PGPEP1L: variants seen among roughly 807,000 people sequenced by gnomAD.
PGPEP1L encodes pyroglutamyl-peptidase I like.
In PGPEP1L, 7 loss-of-function variants were observed where a neutral mutation model predicts 6.0. That is an observed-to-expected ratio of 1.17 (90% CI 0.66 to 2.19). PGPEP1L has a LOEUF of 2.19. PGPEP1L is among the 30% of genes most tolerant of loss of function. The pLI is 0.00. For synonymous variants in PGPEP1L, 103 were observed against 83.9 expected (o/e 1.23, Z -1.24); for missense variants, 209 against 192.5 (o/e 1.09, Z -0.51).
At chr15:98,981,188 G>A (rs78607804) in intron 2 of PGPEP1L, among the ~76,000 whole-genome samples, 8 of 151,990 alleles carry the variant, frequency 5.3e-5, no homozygotes, top group African/African-American at 1.4e-4. Flanking sequence ...AACCATCAAC[G>A]TCATCAAAAA....
intron 2 of PGPEP1L, among the ~76,000 whole-genome samples, chr15:99,002,926 C>G (rs2017994592): frequency 6.6e-6 from 1 of 152,208 alleles, no homozygotes; most frequent in Admixed American, 6.5e-5. Flanking sequence ...GAGAACCCAG[C>G]TCCCTGGACC....
chr15:98,968,520 G>C lies in PGPEP1L; in HGVS notation c.387C>G (p.Phe129Leu). 1 of 1,613,572 alleles carries C rather than the reference G, an allele frequency of 6.2e-7. No individual in the cohort carries two copies. ...GAAGGACCATGGTTGAGTTTTCTTC[G>C]AACTGGGCTCTGTGCTTGGGCTTTC... ...EVGKPKHRAQ[F>L]EENSTMVLPA... The change falls in exon 5 of 5, where the codon TTC (phenylalanine) becomes TTG (leucine). Residue 129 changes from phenylalanine to leucine, a missense_variant. By Grantham distance (22) the Phe-to-Leu change is conservative. Coordinates refer to ENST00000535714, the MANE Select transcript of PGPEP1L (RefSeq NM_001167902.2).
At chr15:98,979,610 C>A (rs966571196) in intron 2 of PGPEP1L, among the ~76,000 whole-genome samples, 3 of 145,024 alleles carry the variant, frequency 2.1e-5, no homozygotes, top group African/African-American at 7.7e-5. Context: ...TTTATAGCAA[C>A]CTGGATGGGA....
chr15:98,993,946 C>T (rs568208046), intron 2 of PGPEP1L, among the ~76,000 whole-genome samples: 5 of 152,110 alleles, frequency 3.3e-5, no homozygotes, highest in Admixed American at 6.5e-5. Context: ...TATCTGGATG[C>T]CTGTCCTGTA....
At chr15:98,973,514 C>A (rs979342993) in intron 2 of PGPEP1L, among the ~76,000 whole-genome samples, 1 of 152,184 alleles carries the variant, frequency 6.6e-6, no homozygotes, top group Non-Finnish European at 1.5e-5. Context: ...AGTATCTTTT[C>A]TGACCACAAT....
intron 2 of PGPEP1L, among the ~76,000 whole-genome samples, chr15:99,000,149 G>T (rs993858219): frequency 2.0e-4 from 30 of 152,352 alleles, no homozygotes; most frequent in African/African-American, 7.0e-4. Context: ...GGGAGTGGCC[G>T]GCCAGCCCCG....
intron 2 of PGPEP1L, among the ~76,000 whole-genome samples, chr15:98,988,915 CAG>C (rs1200375650): frequency 1.3e-5 from 2 of 152,172 alleles, no homozygotes; most frequent in African/African-American, 4.8e-5. Flanking sequence ...AACTGACAAA[CAG>C]AAAGAAATAC....
chr15:98,991,942 G>T (rs1384190030), intron 2 of PGPEP1L, among the ~76,000 whole-genome samples: 1 of 152,248 alleles, frequency 6.6e-6, no homozygotes, highest in East Asian at 1.9e-4. Context: ...GGTACTGACG[G>T]AATGTATCTC....
At chr15:99,004,655 C>T (rs373390530) in intron 2 of PGPEP1L, among the ~76,000 whole-genome samples, 2 of 152,116 alleles carry the variant, frequency 1.3e-5, no homozygotes, top group African/African-American at 2.4e-5. Context: ...GAGGCGGAGG[C>T]TGCAGTGAGC....
At chr15:99,005,169 ACCAGTGGCACCTTCGTGCCCG>A (rs2018032587) in intron 2 of PGPEP1L, among the ~76,000 whole-genome samples, 1 of 152,104 alleles carries the variant, frequency 6.6e-6, no homozygotes, top group African/African-American at 2.4e-5. Flanking sequence ...AGCCTAAGCC[ACCAGTGGCACCTTCGTGCCCG>A]CCACTCGAGA....
At position 99,004,727 on chromosome 15, in the gene PGPEP1L, T is replaced by A. The variant is rs2018024439; in HGVS notation, c.-142+702A>T. 3.3e-5 allele frequency among the ~76,000 whole-genome samples: 5 copies of A among 151,800 alleles called. No individual in the cohort carries two copies. The South Asian group carries it at 1.0e-3, about 32-fold the overall frequency. On this transcript the variant is annotated intron_variant, in intron 2 of 4. Transcript: ENST00000535714. ...ACAAGACTCTGTCTCAAAAAAAAAT[T>A]AATAAAAATAAAGACCTTTGTGAAG...
chr15:98,977,003 CAAAAAA>C (rs11385185), intron 2 of PGPEP1L, among the ~76,000 whole-genome samples: 3 of 128,960 alleles, frequency 2.3e-5, no homozygotes, highest in Non-Finnish European at 4.9e-5. Flanking sequence ...AGTAAAATGG[CAAAAAA>C]AAAAAAAAAA....
At chr15:99,004,797 A>C (rs140557016) in intron 2 of PGPEP1L, among the ~76,000 whole-genome samples, 3,083 of 152,050 alleles carry the variant, frequency 0.02, 100 homozygotes, top group African/African-American at 0.067. Flanking sequence ...TGGTGAGGCA[A>C]GTGTGGGTGG....
chr15:98,995,907 G>T (rs903032975), intron 2 of PGPEP1L, among the ~76,000 whole-genome samples: 5 of 152,126 alleles, frequency 3.3e-5, no homozygotes, highest in African/African-American at 1.2e-4. Flanking sequence ...GGACAATCAT[G>T]TAAGTAGAAT....
chr15:98,968,437 G>A lies in PGPEP1L; in HGVS notation c.*41C>T, dbSNP rs745834574. 3.2e-6 allele frequency: 5 copies of A among 1,576,398 alleles called. No individual in the cohort carries two copies. Among genetic ancestry groups the A allele is most frequent in the Non-Finnish European group, 4.3e-6 (5 of 1,155,394 alleles). ...ATGCACAGTTGAGTGCTACATACAG[G>A]ATTGAAACATTCAATTTTCTCTAGA... On this transcript the variant is annotated 3_prime_UTR_variant, in exon 5 of 5. Coordinates refer to ENST00000535714, the MANE Select transcript of PGPEP1L (RefSeq NM_001167902.2).
At chr15:98,977,085 A>G (rs2151756376) in intron 2 of PGPEP1L, among the ~76,000 whole-genome samples, 1 of 151,042 alleles carries the variant, frequency 6.6e-6, no homozygotes, top group East Asian at 1.9e-4. Context: ...AGGCCAGGCC[A>G]TGGTAAATAT....
intron 2 of PGPEP1L, among the ~76,000 whole-genome samples, chr15:98,988,233 T>C (rs113968753): frequency 0.012 from 1,832 of 152,130 alleles, 23 homozygotes; most frequent in Non-Finnish European, 0.016. Flanking sequence ...CAAGCTAAGA[T>C]CCACTGGCTT....
rs779334423 is a variant in PGPEP1L, at chr15:98,969,508, C to A, written c.126G>T (p.Leu42=). 7.4e-6 allele frequency: 12 copies of A among 1,613,948 alleles called. No homozygotes were observed. In the African/African-American group the frequency reaches 1.5e-4, roughly 20 times the overall value. Residue 42 remains leucine, a synonymous_variant, in exon 4 of 5, where the codon CTG becomes CTT. Transcript: ENST00000535714. ...GVCLPGSPDV[L]ESGVCMKAVC... ...CTGCCTTCATGCAGACCCCTGACTC[C>A]AGCACGTCTGGGCTGCCAGGTAGGC...
chr15:98,993,901 C>T (rs1339199791), intron 2 of PGPEP1L, among the ~76,000 whole-genome samples: 1 of 152,046 alleles, frequency 6.6e-6, no homozygotes, highest in Non-Finnish European at 1.5e-5. Context: ...TGAAATTTTG[C>T]CATACATATA....
Sources: gnomAD v4.1 joint callset for allele counts (sites outside exome capture counted in the v4.1 genomes callset) on GRCh38, gnomAD v4.1.1 for gene constraint, MANE v1.5 for transcripts, NCBI Gene and HGNC (gene_info 2026-07-23, HGNC 2026-07-21) for gene names.